Variants in PCDH11X observed in about 807,000 individuals in gnomAD.
The protein encoded by PCDH11X is protocadherin-11 X-linked.
A neutral mutation model predicts 53.3 loss-of-function variants in PCDH11X; 18 were observed. That is an observed-to-expected ratio of 0.34 (90% CI 0.23 to 0.50). The LOEUF is 0.50. PCDH11X is among the 20% of genes least tolerant of loss of function. The probability of loss-of-function intolerance (pLI) is 0.98; values close to 1 mark genes in which losing one functional copy is unlikely to be tolerated. For missense variants in PCDH11X, 570 were observed against 1,032.4 expected (o/e 0.55, Z 6.14); for synonymous variants, 279 against 393.3 (o/e 0.71, Z 3.44).
chrX:92,514,433 A>G (rs2074219118), intron 10 of PCDH11X, among the ~76,000 whole-genome samples: 1 of 108,876 alleles, frequency 9.2e-6, no homozygotes, highest in Admixed American at 9.9e-5. Flanking sequence ...AGTGATCAAA[A>G]TTAATACCTT....
intron 5 of PCDH11X, among the ~76,000 whole-genome samples, chrX:91,861,211 T>A (rs1352677088): frequency 9.0e-6 from 1 of 111,521 alleles, no homozygotes; most frequent in Non-Finnish European, 1.9e-5. Context: ...TTTGGGAGGG[T>A]GTATATTTCC....
chrX:92,225,043 A>G (rs75941418), intron 7 of PCDH11X, among the ~76,000 whole-genome samples: 3,771 of 110,798 alleles, frequency 0.034, 78 homozygotes, highest in East Asian at 0.19. Context: ...TTCTGTTGGT[A>G]TTTTTTCTAT....
chrX:92,098,159 A>G (rs1171822988), intron 6 of PCDH11X, among the ~76,000 whole-genome samples: 2 of 110,567 alleles, frequency 1.8e-5, no homozygotes, highest in Non-Finnish European at 3.8e-5. Context: ...TATTGATCCT[A>G]GGGATTTATT....
At chrX:92,367,229 C>T (rs1336481350) in intron 8 of PCDH11X, among the ~76,000 whole-genome samples, 1 of 111,565 alleles carries the variant, frequency 9.0e-6, no homozygotes, top group African/African-American at 3.3e-5. Flanking sequence ...TTGCATTGAT[C>T]CCTTTACCAT....
chrX:92,147,396 G>A (rs2065284851), intron 6 of PCDH11X, among the ~76,000 whole-genome samples: 1 of 110,794 alleles, frequency 9.0e-6, no homozygotes. Context: ...TTTATTCCCA[G>A]GGATCTTTTC....
In PCDH11X at chrX:92,445,309, T is replaced by C. The variant is rs1163257062; in HGVS notation, c.3344-22990T>C. On this transcript the variant is annotated intron_variant, in intron 9 of 10. Transcript: ENST00000682573. Reference sequence around the variant, plus strand: ...TTCTTCCTGATTCAATCTTGGAAGATTGTATGTTTCCAGGAATTTGTCAGT... The same window carrying C: ...TTCTTCCTGATTCAATCTTGGAAGACTGTATGTTTCCAGGAATTTGTCAGT... Among the ~76,000 whole-genome samples the C allele has an allele frequency of 4.9e-5, 5 of 102,643 alleles. No homozygotes were observed. In the Admixed American group the frequency reaches 5.6e-4, roughly 11 times the overall value. The allele number at this position is 102,643 out of a possible 115,157, so 89.1% of individuals were successfully genotyped here. A position where few individuals can be genotyped will look rare whatever the true frequency, so the allele number is the denominator to read the frequency against.
At chrX:91,821,988 G>A (rs1449488157) in intron 4 of PCDH11X, among the ~76,000 whole-genome samples, 2 of 103,533 alleles carry the variant, frequency 1.9e-5, no homozygotes, top group African/African-American at 4.1e-5. Flanking sequence ...ATTGATTTGA[G>A]TATATTGAAC....
intron 8 of PCDH11X, among the ~76,000 whole-genome samples, chrX:92,268,689 C>G (rs1005948941): frequency 6.3e-5 from 7 of 111,749 alleles, no homozygotes; most frequent in African/African-American, 2.3e-4. Flanking sequence ...TGCTTTGGAA[C>G]AGATTATTTA....
intron 6 of PCDH11X, among the ~76,000 whole-genome samples, chrX:92,189,477 G>T (rs778553192): frequency 4.8e-4 from 54 of 111,471 alleles, no homozygotes; most frequent in Admixed American, 3.8e-4. Context: ...ATGGACATTT[G>T]GGCTGATTCC....
At chrX:91,840,213 A>G (rs964905838) in intron 5 of PCDH11X, among the ~76,000 whole-genome samples, 1 of 111,402 alleles carries the variant, frequency 9.0e-6, no homozygotes, top group Admixed American at 9.6e-5. Flanking sequence ...AGTTATTTTT[A>G]TTTTCTGCTT....
chrX:92,287,996 C>T, intron 8 of PCDH11X: 1 of 515,315 alleles, frequency 1.9e-6, no homozygotes, highest in Non-Finnish European at 3.5e-6. Context: ...CCCCTTCTGC[C>T]ATGACCGTAA....
rs1232405492 is a variant in PCDH11X at position 92,464,205 on chromosome X, C to T, written c.3344-4094C>T. Reference sequence around the variant, plus strand: ...CTTATTTCACTGCAAATAAGATGCTCATTATGTTAATCACATTGCAGCTTC... The same window carrying T: ...CTTATTTCACTGCAAATAAGATGCTTATTATGTTAATCACATTGCAGCTTC... On this transcript the variant is annotated intron_variant, in intron 9 of 10. Transcript: ENST00000682573. 1.2e-4 allele frequency among the ~76,000 whole-genome samples: 13 copies of T among 111,003 alleles called. No homozygotes were observed. In the Admixed American group the frequency reaches 1.2e-3, roughly 11 times the overall value.
At chrX:92,054,558 C>T (rs1214575021) in intron 6 of PCDH11X, among the ~76,000 whole-genome samples, 7 of 111,393 alleles carry the variant, frequency 6.3e-5, no homozygotes, top group Middle Eastern at 4.7e-3. Context: ...CGGTGGCTCA[C>T]GCCTGTAATC....
chrX:92,127,672 C>T (rs1423926073), intron 6 of PCDH11X, among the ~76,000 whole-genome samples: 1 of 109,407 alleles, frequency 9.1e-6, no homozygotes, highest in Non-Finnish European at 1.9e-5. Context: ...AGGTGCGTGC[C>T]ACCAAGCCAG....
At chrX:91,875,485 G>C (rs1477821817) in intron 5 of PCDH11X, among the ~76,000 whole-genome samples, 1 of 107,579 alleles carries the variant, frequency 9.3e-6, no homozygotes, top group Non-Finnish European at 1.9e-5. Flanking sequence ...TAGAGACGGG[G>C]TTTCCCCGTG....
chrX:91,955,303 T>C (rs1337476381), intron 6 of PCDH11X, among the ~76,000 whole-genome samples: 4 of 108,935 alleles, frequency 3.7e-5, no homozygotes, highest in Non-Finnish European at 7.6e-5. Context: ...TTCTGTTCCA[T>C]TAGTCTATGT....
chrX:92,598,556 A>G (rs1244993566), intron 10 of PCDH11X, among the ~76,000 whole-genome samples: 8 of 96,544 alleles, frequency 8.3e-5, no homozygotes, highest in Non-Finnish European at 1.6e-4. Flanking sequence ...AATAACAAAA[A>G]CTGGAGAGGG....
At chrX:92,423,874 G>T (rs1229109350) in intron 9 of PCDH11X, among the ~76,000 whole-genome samples, 6 of 96,982 alleles carry the variant, frequency 6.2e-5, no homozygotes, top group Non-Finnish European at 1.4e-4. Context: ...CCTGTACCAT[G>T]CTGTTTTGGT....
intron 6 of PCDH11X, among the ~76,000 whole-genome samples, chrX:91,967,674 G>A: frequency 9.0e-6 from 1 of 110,649 alleles, no homozygotes; most frequent in Non-Finnish European, 1.9e-5. Context: ...CCTTCCCAGA[G>A]AGCTGACAAA....
Sources: gnomAD v4.1 joint callset for allele counts (sites outside exome capture counted in the v4.1 genomes callset) on GRCh38, gnomAD v4.1.1 for gene constraint, MANE v1.5 for transcripts, NCBI Gene and HGNC (gene_info 2026-07-23, HGNC 2026-07-21) for gene names.